The following MGRN1 variants were observed in gnomAD, a reference collection of about 807,000 sequenced individuals.
MGRN1 encodes the protein mahogunin ring finger 1, also known as E3 ubiquitin-protein ligase MGRN1.
Under a neutral mutation model 69.2 loss-of-function variants are expected in MGRN1, and 29 were observed. The observed-to-expected ratio is 0.42, with a 90% CI of 0.31 to 0.57. The LOEUF (loss-of-function observed/expected upper bound fraction) is 0.57, where lower values mean the gene tolerates loss of function less well. MGRN1 is among the 20% of genes least tolerant of loss of function. MGRN1 has a pLI of 0.15. For synonymous variants in MGRN1, 470 were observed against 344.2 expected (o/e 1.37, Z -4.04); for missense variants, 998 against 796.2 (o/e 1.25, Z -3.05).
chr16:4,682,368 C>T (rs770719917), intron 13 of MGRN1, among the ~76,000 whole-genome samples: 21 of 152,226 alleles, frequency 1.4e-4, no homozygotes, highest in Non-Finnish European at 2.6e-4. Context: ...GTGTATAGAG[C>T]GGCGGCTGCC....
chr16:4,677,256 C>T, intron 10 of MGRN1: 1 of 449,980 alleles, frequency 2.2e-6, no homozygotes, highest in Non-Finnish European at 3.9e-6. Flanking sequence ...AGGGGAGCTG[C>T]TTCTTTCTTT....
At chr16:4,686,421 A>G (rs1183552485) in intron 16 of MGRN1, 22 of 1,448,652 alleles carry the variant, frequency 1.5e-5, no homozygotes, top group Non-Finnish European at 1.8e-5. Context: ...CCGCATCCGC[A>G]TCTTCCCAGG....
At chr16:4,642,429 C>G (rs1433364351) in intron 1 of MGRN1, among the ~76,000 whole-genome samples, 1 of 151,442 alleles carries the variant, frequency 6.6e-6, no homozygotes, top group African/African-American at 2.4e-5. Flanking sequence ...TTCTGAGTAG[C>G]TGGGATTACA....
chr16:4,671,007 A>T (rs2141945385), intron 8 of MGRN1, among the ~76,000 whole-genome samples: 1 of 152,294 alleles, frequency 6.6e-6, no homozygotes, highest in South Asian at 2.1e-4. Flanking sequence ...TGGAAGGAGG[A>T]TCTGGAAAGC....
chr16:4,677,905 G>A (rs1461407299), intron 11 of MGRN1, among the ~76,000 whole-genome samples: 1 of 149,720 alleles, frequency 6.7e-6, no homozygotes, highest in Admixed American at 6.7e-5. Flanking sequence ...TGCACCCAAA[G>A]TGGTGCAATG....
chr16:4,673,686 A>G (rs913472541), intron 10 of MGRN1, 29 bp downstream of exon 10: 29 of 1,608,048 alleles, frequency 1.8e-5, no homozygotes, highest in Non-Finnish European at 2.5e-5. Context: ...TGTTCTGTGG[A>G]AGGTTCTGGA....
chr16:4,659,789 G>T (rs1473556816), intron 5 of MGRN1, among the ~76,000 whole-genome samples: 2 of 152,244 alleles, frequency 1.3e-5, no homozygotes, highest in Admixed American at 1.3e-4. Context: ...GAAAACCAGA[G>T]ACTTACTGGT....
chr16:4,648,280 C>T (rs1362393794), intron 1 of MGRN1, among the ~76,000 whole-genome samples: 1 of 150,764 alleles, frequency 6.6e-6, no homozygotes, highest in African/African-American at 2.5e-5. Context: ...GGGACTCTTC[C>T]CGTGGTCACC....
intron 7 of MGRN1, among the ~76,000 whole-genome samples, chr16:4,665,929 A>G (rs1240986283): frequency 6.6e-6 from 1 of 151,414 alleles, no homozygotes. Flanking sequence ...TCCCGGGTTC[A>G]TGCCATTCTC....
At chr16:4,648,367 T>G (rs1343886854) in intron 1 of MGRN1, among the ~76,000 whole-genome samples, 1 of 127,742 alleles carries the variant, frequency 7.8e-6, no homozygotes. Context: ...GTCACCCGGC[T>G]CCTCCTCCCG....
chr16:4,644,621 A>C (rs1173065143), intron 1 of MGRN1, among the ~76,000 whole-genome samples: 1 of 152,196 alleles, frequency 6.6e-6, no homozygotes, highest in Non-Finnish European at 1.5e-5. Flanking sequence ...CTGTTTTTTA[A>C]GTTGAGAAAC....
chr16:4,664,547 C>G (rs1422242958), intron 5 of MGRN1, 162 bp from the exon 6 acceptor site: 1 of 682,200 alleles, frequency 1.5e-6, no homozygotes, highest in South Asian at 1.8e-5. Context: ...AAAAAGGTGC[C>G]AAGCCTGGCA....
chr16:4,661,337 T>C (rs567590888), intron 5 of MGRN1, among the ~76,000 whole-genome samples: 1 of 152,310 alleles, frequency 6.6e-6, no homozygotes, highest in South Asian at 2.1e-4. Flanking sequence ...GGCCCAGGAT[T>C]GGCCGCCTTG....
chr16:4,640,356 G>A (rs1476806438), intron 1 of MGRN1: 2 of 152,296 alleles, frequency 1.3e-5, no homozygotes, highest in Non-Finnish European at 2.9e-5. Flanking sequence ...GGCATGTGTG[G>A]AGAGCATTGA....
chr16:4,651,930 G>T, intron 2 of MGRN1, 33 bp from the exon 3 acceptor site: 1 of 1,601,440 alleles, frequency 6.2e-7, no homozygotes, highest in Non-Finnish European at 8.6e-7. Flanking sequence ...GCTCCTGAGG[G>T]AGTCACCTGG....
chr16:4,671,423 C>T lies in MGRN1; in HGVS notation c.759C>T (p.Ile253=). The change falls in exon 9 of 17, where the codon ATC becomes ATT. Residue 253 remains isoleucine, a synonymous_variant. Coordinates refer to ENST00000262370, the MANE Select transcript of MGRN1 (RefSeq NM_015246.4). ...VDRVSYLLQE[I]YGIENKNNQE... ...GGGTCAGCTACCTCCTGCAGGAGAT[C>T]TATGGCATTGAGAACAAGAACAACC... is the stretch of plus-strand genomic sequence containing the variant. The T allele has an allele frequency of 6.2e-7, 1 of 1,614,042 alleles. No homozygotes were observed. Among genetic ancestry groups the T allele is most frequent in the Non-Finnish European group, 8.5e-7 (1 of 1,179,982 alleles).
At chr16:4,643,120 T>G (rs1351066853) in intron 1 of MGRN1, among the ~76,000 whole-genome samples, 2 of 151,974 alleles carry the variant, frequency 1.3e-5, no homozygotes, top group Non-Finnish European at 2.9e-5. Flanking sequence ...CATGCCTGGC[T>G]AATTTTTGTA....
chr16:4,673,604 C>T lies in MGRN1; in HGVS notation c.902C>T (p.Ser301Phe), dbSNP rs796858556. 6.2e-7 allele frequency: 1 copy of T among 1,613,750 alleles called. No individual in the cohort carries two copies. Among genetic ancestry groups the T allele is most frequent in the Non-Finnish European group, 8.5e-7 (1 of 1,179,938 alleles). Reference protein sequence around the residue: ...LPCRHLCLCTSCADTLRYQAN... With the variant: ...LPCRHLCLCTFCADTLRYQAN... ...TGCCGCCACCTGTGCCTCTGTACCT[C>T]CTGCGCCGACACGCTGCGCTACCAG... The change falls in exon 10 of 17, where the codon TCC becomes TTC. Residue 301 changes from serine (S) to phenylalanine (F), a missense_variant. By Grantham distance (155) the Ser-to-Phe change is radical (BLOSUM62 -2). Coordinates refer to ENST00000262370, the MANE Select transcript of MGRN1 (RefSeq NM_015246.4).
chr16:4,668,689 TACACATAC>T (rs927418079), intron 8 of MGRN1, among the ~76,000 whole-genome samples: 169 of 150,872 alleles, frequency 1.1e-3, no homozygotes, highest in African/African-American at 4.0e-3. Flanking sequence ...GACACACTCG[TACACATAC>T]ACACATACAC....
Sources: allele counts gnomAD v4.1 joint callset (sites outside exome capture counted in the v4.1 genomes callset), GRCh38; gene constraint gnomAD v4.1.1; transcripts MANE v1.5; gene names NCBI Gene and HGNC (gene_info 2026-07-23, HGNC 2026-07-21).